PRDM6: variants seen among roughly 807,000 people sequenced by gnomAD.
PRDM6 encodes the protein PR/SET domain 6.
Under a neutral mutation model 60.8 loss-of-function variants are expected in PRDM6, and 25 were observed. That is an observed-to-expected ratio of 0.41 (90% CI 0.30 to 0.57). PRDM6 has a LOEUF of 0.57. Among genes scored for constraint, PRDM6 ranks in the 20% least tolerant of loss-of-function variants. PRDM6 has a pLI of 0.27. For synonymous variants in PRDM6, 407 were observed against 357.4 expected (o/e 1.14, Z -1.57); for missense variants, 839 against 821.3 (o/e 1.02, Z -0.26).
At chr5:123,187,037 C>T (rs200894287) in intron 7 of PRDM6, 50 bp from the exon 8 acceptor site, 23 of 1,344,800 alleles carry the variant, frequency 1.7e-5, no homozygotes, top group Non-Finnish European at 2.2e-5. Context: ...AAGCCCATCA[C>T]CCTGCAGGCC....
chr5:123,184,641 G>A (rs1432256614), intron 7 of PRDM6, among the ~76,000 whole-genome samples: 3 of 152,190 alleles, frequency 2.0e-5, no homozygotes, highest in Non-Finnish European at 2.9e-5. Context: ...ACCAAGTGAA[G>A]TCTGGCTCTG....
rs1332346466 is a variant in PRDM6, at chr5:123,188,865, G to T, written c.*1664G>T. 6.6e-6 allele frequency: 1 copy of T among 151,924 alleles called. No homozygotes were observed. Among genetic ancestry groups the T allele is most frequent in the Non-Finnish European group, 1.5e-5 (1 of 67,986 alleles). The allele number at this position is 151,924 out of a possible 1,614,324, so 9.4% of individuals were successfully genotyped here. ...CACCCCAGCTACCACATTTTAAATGGAATTCAACAGGGTCTAATTAATAAG... is the reference window on the plus strand; with the variant it reads ...CACCCCAGCTACCACATTTTAAATGTAATTCAACAGGGTCTAATTAATAAG... On this transcript the variant is annotated 3_prime_UTR_variant, in exon 8 of 8. Coordinates refer to ENST00000407847, the MANE Select transcript of PRDM6 (RefSeq NM_001136239.4).
chr5:123,178,044 C>T (rs1476544152), intron 6 of PRDM6, among the ~76,000 whole-genome samples: 3 of 152,066 alleles, frequency 2.0e-5, no homozygotes, highest in South Asian at 2.1e-4. Context: ...CTTCCATTGG[C>T]GTTACTTTGA....
chr5:123,162,127 T>C (rs1216296363), intron 5 of PRDM6, among the ~76,000 whole-genome samples: 1 of 152,230 alleles, frequency 6.6e-6, no homozygotes, highest in Non-Finnish European at 1.5e-5. Flanking sequence ...TACTAAGCTC[T>C]GAGCCAGAAA....
intron 3 of PRDM6, among the ~76,000 whole-genome samples, chr5:123,128,138 T>C (rs34860246): frequency 0.012 from 1,900 of 152,362 alleles, 19 homozygotes; most frequent in Middle Eastern, 0.054. Context: ...ATGGTGTATA[T>C]GTGCCACATT....
intron 3 of PRDM6, among the ~76,000 whole-genome samples, chr5:123,141,900 A>C (rs1251051824): frequency 6.6e-6 from 1 of 152,160 alleles, no homozygotes; most frequent in Non-Finnish European, 1.5e-5. Context: ...GTTTTGCTGA[A>C]TCTCAGATTC....
rs10060835 is a variant in PRDM6, at chr5:123,166,449, G to T, written c.1154-4317G>T. Among the ~76,000 whole-genome samples, 327 of 82,252 alleles carry T rather than the reference G, an allele frequency of 4.0e-3. 1 individual carries two copies. Among genetic ancestry groups the T allele is most frequent in the South Asian group, 0.022 (47 of 2,132 alleles). 54.0% of individuals were successfully genotyped at this position (82,252 alleles called of 152,430 possible). A position where few individuals can be genotyped will look rare whatever the true frequency, so the allele number is the denominator to read the frequency against. On this transcript the variant is annotated intron_variant, in intron 5 of 7. Transcript: ENST00000407847. ...TGTCAATTCTAAAATTTATGTTTTTGTTTTTTATTTTACATTTTAATCTTT... is the reference window on the plus strand; with the variant it reads ...TGTCAATTCTAAAATTTATGTTTTTTTTTTTTATTTTACATTTTAATCTTT...
intron 3 of PRDM6, among the ~76,000 whole-genome samples, chr5:123,152,799 A>G (rs112428199): frequency 1.3e-5 from 2 of 152,314 alleles, no homozygotes; most frequent in African/African-American, 4.8e-5. Context: ...AGAGAGTGGC[A>G]CTTCCTAATA....
chr5:123,152,048 C>G (rs1022534197), intron 3 of PRDM6, among the ~76,000 whole-genome samples: 4 of 151,958 alleles, frequency 2.6e-5, no homozygotes, highest in Admixed American at 2.0e-4. Flanking sequence ...CACTGGAAAA[C>G]TACAGGACAG....
rs139142922 is a variant in PRDM6 at position 123,104,959 on chromosome 5, C to G, written c.900+4998C>G. Among the ~76,000 whole-genome samples, 635 of 144,668 alleles carry G rather than the reference C, an allele frequency of 4.4e-3. 4 individuals carry two copies. The highest frequency in any genetic ancestry group is 0.016 in the African/African-American group (606 of 38,372). The allele number at this position is 144,668 out of a possible 152,430, so 94.9% of individuals were successfully genotyped here. ...GCTGCACAGTGCCACCCTTGGTTTT[C>G]TAAGTCCGAGAATAATTCTGCTTTA... is the stretch of plus-strand genomic sequence containing the variant. On this transcript the variant is annotated intron_variant, in intron 3 of 7. Transcript: ENST00000407847.
Position 123,146,014 on chromosome 5 carries a change from C to T in PRDM6, c.901-9870C>T, listed in dbSNP as rs1011625540. Among the ~76,000 whole-genome samples, 11 of 152,240 alleles carry T rather than the reference C, an allele frequency of 7.2e-5. No individual in the cohort carries two copies. The East Asian group carries it at 1.2e-3, about 16-fold the overall frequency. On this transcript the variant is annotated intron_variant, in intron 3 of 7. Coordinates refer to ENST00000407847, the MANE Select transcript of PRDM6 (RefSeq NM_001136239.4). Reference sequence around the variant, plus strand: ...AGCTCTAGGGCATAGTGTGTGTCTGCGCATGTATAGAAGTAGTCTGTCTAT... The same window carrying T: ...AGCTCTAGGGCATAGTGTGTGTCTGTGCATGTATAGAAGTAGTCTGTCTAT...
intron 3 of PRDM6, among the ~76,000 whole-genome samples, chr5:123,145,984 G>A (rs1185536719): frequency 6.6e-6 from 1 of 152,156 alleles, no homozygotes; most frequent in Non-Finnish European, 1.5e-5. Context: ...AAAAAAAAGC[G>A]GGTGAGCTCT....
chr5:123,097,222 T>C (rs1487648414), intron 2 of PRDM6, among the ~76,000 whole-genome samples: 1 of 152,250 alleles, frequency 6.6e-6, no homozygotes, highest in Admixed American at 6.5e-5. Context: ...TCTCTTACTT[T>C]AATGTCCGAA....
chr5:123,099,867 A>C lies in PRDM6; in HGVS notation c.806A>C (p.Gln269Pro). 1.9e-6 allele frequency: 3 copies of C among 1,550,564 alleles called. No individual in the cohort carries two copies. The highest frequency in any genetic ancestry group is 2.6e-6 in the Non-Finnish European group (3 of 1,146,766). Residue 269 changes from glutamine (Q) to proline (P), a missense_variant, in exon 3 of 8, where the codon CAG (glutamine) becomes CCG (proline). Physicochemically the swap from Gln to Pro is moderately conservative, Grantham distance 76. Transcript: ENST00000407847. This position sits in a 1 kb window ranked among gnomAD's most constrained non-coding sequence, Gnocchi z 4.0. ...GGCATCTGCGCGGCGCAGAGGATCC[A>C]GCAAGGCACCTGGATTGGACCTTTC... The part of the protein sequence containing the change: ...AYGICAAQRI[Q>P]QGTWIGPFQG...
rs1766325878 is a variant in PRDM6, at chr5:123,187,919, T to TA, written c.*722dup. The TA allele has an allele frequency of 6.6e-6, 1 of 152,056 alleles. No individual in the cohort carries two copies. The highest frequency in any genetic ancestry group is 1.5e-5 in the Non-Finnish European group (1 of 68,022). 9.4% of individuals were successfully genotyped at this position (152,056 alleles called of 1,614,324 possible). ...GTCCTGTCAAGATTGCAAGAACATGTAAAATGTACGGAGCTTCATAATACG... is the reference window on the plus strand; with the variant it reads ...GTCCTGTCAAGATTGCAAGAACATGTAAAAATGTACGGAGCTTCATAATACG... On this transcript the variant is annotated 3_prime_UTR_variant, in exon 8 of 8. Coordinates refer to ENST00000407847, the MANE Select transcript of PRDM6 (RefSeq NM_001136239.4).
intron 3 of PRDM6, among the ~76,000 whole-genome samples, chr5:123,146,866 A>G (rs1765251593): frequency 1.3e-5 from 2 of 152,234 alleles, no homozygotes; most frequent in African/African-American, 2.4e-5. Flanking sequence ...AAACGTGGTA[A>G]TAATGAAAGC....
intron 5 of PRDM6, 72 bp from the exon 6 acceptor site, chr5:123,170,694 A>G: frequency 2.8e-6 from 3 of 1,060,172 alleles, no homozygotes; most frequent in Non-Finnish European, 4.0e-6. Context: ...TTGATTTTTT[A>G]AAAGTATGTG....
At chr5:123,091,230 A>G (rs1451169691) in intron 2 of PRDM6, among the ~76,000 whole-genome samples, 1 of 152,084 alleles carries the variant, frequency 6.6e-6, no homozygotes, top group East Asian at 1.9e-4. Flanking sequence ...TCTACTATTC[A>G]TTTAAAAAGA....
At chr5:123,159,276 G>C (rs1484383512) in intron 4 of PRDM6, among the ~76,000 whole-genome samples, 1 of 152,070 alleles carries the variant, frequency 6.6e-6, no homozygotes, top group Non-Finnish European at 1.5e-5. Flanking sequence ...CTAAATATCT[G>C]TCTCTTCAGC....
Sources: gnomAD v4.1 joint callset for allele counts (sites outside exome capture counted in the v4.1 genomes callset) on GRCh38, gnomAD v4.1.1 for gene constraint, Gnocchi (gnomAD v3.1) non-coding constraint, MANE v1.5 for transcripts, NCBI Gene and HGNC (gene_info 2026-07-23, HGNC 2026-07-21) for gene names.